Variants in RBFOX3 observed in about 807,000 individuals in gnomAD.
RBFOX3 encodes the protein RNA binding fox-1 homolog 3.
RBFOX3 carries 17 observed loss-of-function variants against 48.7 expected under a neutral mutation model. That is an observed-to-expected ratio of 0.35 (90% confidence interval 0.24 to 0.52). The LOEUF (loss-of-function observed/expected upper bound fraction) is 0.52. Ranked by LOEUF, RBFOX3 falls within the 20% of genes least tolerant of loss-of-function variation. RBFOX3 has a pLI of 0.94. For synonymous variants in RBFOX3, 212 were observed against 209.5 expected (o/e 1.01, Z -0.10); for missense variants, 382 against 497.5 (o/e 0.77, Z 2.21).
chr17:79,166,697 A>T (rs2612759), intron 4 of RBFOX3, among the ~76,000 whole-genome samples: 1 of 152,092 alleles, frequency 6.6e-6, no homozygotes, highest in Non-Finnish European at 1.5e-5. Flanking sequence ...CAGGCCACTC[A>T]GAGCCCATCC....
chr17:79,588,895 T>C (rs1203576166), intron 1 of RBFOX3, among the ~76,000 whole-genome samples: 1 of 151,050 alleles, frequency 6.6e-6, no homozygotes, highest in East Asian at 2.0e-4. Context: ...AGCTTGGACC[T>C]GGGCCATATA....
chr17:79,332,609 G>C (rs963557616), intron 2 of RBFOX3, among the ~76,000 whole-genome samples: 1 of 151,884 alleles, frequency 6.6e-6, no homozygotes, highest in African/African-American at 2.4e-5. Flanking sequence ...AGAGAACAGA[G>C]ACACACACAG....
intron 4 of RBFOX3, among the ~76,000 whole-genome samples, chr17:79,171,394 C>G (rs1311106213): frequency 2.0e-5 from 3 of 152,196 alleles, no homozygotes; most frequent in African/African-American, 7.2e-5. Context: ...GGCCAGAGAG[C>G]AAATATTTAG....
At chr17:79,328,680 AC>A (rs2079724408) in intron 2 of RBFOX3, among the ~76,000 whole-genome samples, 1 of 152,088 alleles carries the variant, frequency 6.6e-6, no homozygotes, top group South Asian at 2.1e-4. Flanking sequence ...AGGCTTTGAG[AC>A]CCAAGCAAAC....
chr17:79,272,600 AG>A (rs1267764797), intron 3 of RBFOX3, among the ~76,000 whole-genome samples: 1 of 152,042 alleles, frequency 6.6e-6, no homozygotes, highest in Non-Finnish European at 1.5e-5. Context: ...AGGAGGGGGT[AG>A]GGGGTCTCTC....
chr17:79,624,926 G>A, the RBFOX3 span, among the ~76,000 whole-genome samples: 10 of 151,408 alleles, frequency 6.6e-5, no homozygotes, highest in Non-Finnish European at 1.2e-4. Flanking sequence ...GCGCCCCAAG[G>A]GCAGGACTCC....
At chr17:79,302,596 A>G (rs1485633842) in intron 3 of RBFOX3, among the ~76,000 whole-genome samples, 1 of 152,118 alleles carries the variant, frequency 6.6e-6, no homozygotes, top group Non-Finnish European at 1.5e-5. Flanking sequence ...CAGGAGAATC[A>G]GTTGAACCTG....
intron 2 of RBFOX3, among the ~76,000 whole-genome samples, chr17:79,367,346 CCTCCTCCTCCTA>C (rs1383971806): frequency 6.7e-6 from 1 of 149,182 alleles, no homozygotes; most frequent in Non-Finnish European, 1.5e-5. Context: ...TCTTCCTCCC[CCTCCTCCTCCTA>C]CTCCTCCTCC....
At chr17:79,661,945 T>C in the RBFOX3 span, among the ~76,000 whole-genome samples, 1 of 152,118 alleles carries the variant, frequency 6.6e-6, no homozygotes, top group African/African-American at 2.4e-5. Flanking sequence ...GCCTTTTTGC[T>C]CTCTTAATTG....
chr17:79,541,047 G>A (rs1249931686), intron 1 of RBFOX3, among the ~76,000 whole-genome samples: 2 of 152,176 alleles, frequency 1.3e-5, no homozygotes, highest in Non-Finnish European at 1.5e-5. Context: ...AGACATTAGC[G>A]TTACAACCCA....
intron 4 of RBFOX3, among the ~76,000 whole-genome samples, chr17:79,233,425 T>C (rs901727818): frequency 6.6e-6 from 1 of 152,166 alleles, no homozygotes; most frequent in African/African-American, 2.4e-5. Flanking sequence ...ACATCCATTA[T>C]CTTGATTGTG....
chr17:79,162,456 G>T (rs894379365), intron 4 of RBFOX3, among the ~76,000 whole-genome samples: 1 of 152,190 alleles, frequency 6.6e-6, no homozygotes, highest in Non-Finnish European at 1.5e-5. Context: ...CGTCAGTGTG[G>T]CTGTCACATG....
upstream of RBFOX3, among the ~76,000 whole-genome samples, chr17:79,612,479 C>A (rs1214931823): frequency 1.3e-5 from 2 of 152,096 alleles, no homozygotes; most frequent in Non-Finnish European, 2.9e-5. Flanking sequence ...TGGCTGCCCC[C>A]CCTGCAGGGC....
intron 4 of RBFOX3, among the ~76,000 whole-genome samples, chr17:79,158,069 C>T (rs2145175599): frequency 6.6e-6 from 1 of 152,162 alleles, no homozygotes; most frequent in Non-Finnish European, 1.5e-5. Flanking sequence ...TAGGGTGGGC[C>T]CTAATCCAAC....
chr17:79,547,608 C>T (rs1222452200), intron 1 of RBFOX3, among the ~76,000 whole-genome samples: 1 of 152,228 alleles, frequency 6.6e-6, no homozygotes, highest in Admixed American at 6.5e-5. Flanking sequence ...AACACACACC[C>T]CCAGCACACA....
chr17:79,461,974 C>T (rs1251805839), intron 2 of RBFOX3, among the ~76,000 whole-genome samples: 3 of 152,218 alleles, frequency 2.0e-5, no homozygotes, highest in Non-Finnish European at 4.4e-5. Flanking sequence ...CTTGATTTCT[C>T]ACTTCTGGCC....
chr17:79,377,033 G>A (rs62063973), intron 2 of RBFOX3, among the ~76,000 whole-genome samples: 36,320 of 151,962 alleles, frequency 0.24, 5,555 homozygotes, highest in East Asian at 0.63. Context: ...GGGGTGTTCC[G>A]TGTTGTTCTT....
chr17:79,365,213 T>TA (rs1415321138), intron 2 of RBFOX3, among the ~76,000 whole-genome samples: 11 of 152,154 alleles, frequency 7.2e-5, no homozygotes, highest in Admixed American at 2.0e-4. Flanking sequence ...TCAACTCCTT[T>TA]AAAAAAATCA....
chr17:79,371,038 G>A (rs2058470582), intron 2 of RBFOX3, among the ~76,000 whole-genome samples: 1 of 152,236 alleles, frequency 6.6e-6, no homozygotes, highest in South Asian at 2.1e-4. Flanking sequence ...GCACGGCAGG[G>A]GACTTGGGGA....
Sources: allele counts gnomAD v4.1 joint callset (sites outside exome capture counted in the v4.1 genomes callset), GRCh38; gene constraint gnomAD v4.1.1; transcripts MANE v1.5; gene names NCBI Gene and HGNC (gene_info 2026-07-23, HGNC 2026-07-21).